VAV2: variants seen among roughly 807,000 people sequenced by gnomAD.
The protein encoded by VAV2 is vav guanine nucleotide exchange factor 2.
In VAV2, 67 loss-of-function variants were observed where a neutral mutation model predicts 132.5. The observed-to-expected ratio is 0.51, with a 90% CI of 0.42 to 0.62. The LOEUF is 0.62. VAV2 is among the 20% of genes least tolerant of loss of function. The probability of loss-of-function intolerance (pLI) is 0.00; values close to 1 mark genes in which losing one functional copy is unlikely to be tolerated. For missense variants in VAV2, 938 were observed against 1,153.6 expected (o/e 0.81, Z 2.71); for synonymous variants, 492 against 443.5 (o/e 1.11, Z -1.37).
Position 133,991,314 on chromosome 9 carries a change from G to A in VAV2, c.204+761C>T, listed in dbSNP as rs1843007958. Among the ~76,000 whole-genome samples, 1 of 152,198 alleles carries A rather than the reference G, an allele frequency of 6.6e-6. No homozygotes were observed. The highest frequency in any genetic ancestry group is 6.5e-5 in the Admixed American group (1 of 15,288). On this transcript the variant is annotated intron_variant, in intron 1 of 29. Coordinates refer to ENST00000371850, the MANE Select transcript of VAV2 (RefSeq NM_001134398.2). The surrounding 1 kb of genome is among the most constrained non-coding windows in gnomAD (Gnocchi z 4.8). The stretch of plus-strand genomic sequence containing the variant: ...TTAAGAGGCCAAGAAAAGCAGCTTC[G>A]TTCGGCTGGGCAGGCATTTTCCTGC...
rs144352659 is a variant in VAV2, at chr9:133,863,412, T to TCGGGTCGTACAGATGGAAC, written c.322-1999_322-1981dup. 5.3e-5 allele frequency among the ~76,000 whole-genome samples: 8 copies of TCGGGTCGTACAGATGGAAC among 152,008 alleles called. No homozygotes were observed. The highest frequency in any genetic ancestry group is 2.6e-4 in the Admixed American group (4 of 15,278). On this transcript the variant is annotated intron_variant, in intron 2 of 29. Coordinates refer to ENST00000371850, the MANE Select transcript of VAV2 (RefSeq NM_001134398.2). The surrounding 1 kb of genome is among the most constrained non-coding windows in gnomAD (Gnocchi z 5.0). The stretch of plus-strand genomic sequence containing the variant: ...CTGGAGTCAGCGCAAAGGCCCCAGG[T>TCGGGTCGTACAGATGGAAC]CGGGTCGTACAGATGGAACCGGGTC...
chr9:133,783,454 G>A (rs200141998), intron 19 of VAV2, 49 bp downstream of exon 19: 282 of 1,569,632 alleles, frequency 1.8e-4, no homozygotes, highest in Non-Finnish European at 1.3e-4. Context: ...GGGCAGAAGT[G>A]AGCAGGCGTG....
intron 1 of VAV2, among the ~76,000 whole-genome samples, chr9:133,959,096 T>C (rs1339639381): frequency 6.6e-6 from 1 of 152,158 alleles, no homozygotes; most frequent in Non-Finnish European, 1.5e-5. Flanking sequence ...CCCCAGATGA[T>C]GGGGTTCCTG....
Position 133,876,965 on chromosome 9 carries a change from G to A in VAV2, c.322-15533C>T, listed in dbSNP as rs1266978127. On this transcript the variant is annotated intron_variant, in intron 2 of 29. Transcript: ENST00000371850. ...GCCAGCTACAGAGGGGAAGGCAGGG[G>A]ATGCCAGGGCTGGCGTCTGGGCAAG... Among the ~76,000 whole-genome samples, 3 of 152,140 alleles carry A rather than the reference G, an allele frequency of 2.0e-5. 1 individual carries two copies. Among genetic ancestry groups the A allele is most frequent in the Non-Finnish European group, 1.5e-5 (1 of 68,006 alleles).
chr9:133,877,660 C>T (rs956477176), intron 2 of VAV2, among the ~76,000 whole-genome samples: 4 of 152,154 alleles, frequency 2.6e-5, no homozygotes, highest in Non-Finnish European at 5.9e-5. Context: ...CACCCCAGAA[C>T]CCCCCTCTCA....
chr9:133,847,665 C>T (rs1168187334), intron 3 of VAV2, among the ~76,000 whole-genome samples: 2 of 152,200 alleles, frequency 1.3e-5, no homozygotes, highest in Non-Finnish European at 1.5e-5. Flanking sequence ...TCCAGCCCCA[C>T]GCTGCCCAAC....
intron 1 of VAV2, among the ~76,000 whole-genome samples, chr9:133,965,955 A>T (rs1842127705): frequency 6.6e-6 from 1 of 152,228 alleles, no homozygotes; most frequent in African/African-American, 2.4e-5. Context: ...GACCAATGGA[A>T]TAAAACAACC....
At chr9:133,766,295 T>C (rs1331354702) in intron 29 of VAV2, among the ~76,000 whole-genome samples, 1 of 152,222 alleles carries the variant, frequency 6.6e-6, no homozygotes, top group Non-Finnish European at 1.5e-5. Context: ...AGTGTAAAAG[T>C]GTTCCTCTTT....
chr9:133,845,380 A>G (rs376273689), intron 3 of VAV2, among the ~76,000 whole-genome samples: 347 of 152,268 alleles, frequency 2.3e-3, no homozygotes, highest in Non-Finnish European at 4.0e-3. Context: ...AGCTGCAGGC[A>G]GGATCCCTAC....
rs1287790714 is a variant in VAV2, at chr9:133,991,950, C to G, written c.204+125G>C. On this transcript the variant is annotated intron_variant, in intron 1 of 29. Transcript: ENST00000371850. This position sits in a 1 kb window ranked among gnomAD's most constrained non-coding sequence, Gnocchi z 4.8. ...GCACCCTCCAGCCGCCCGCCCGCGT[C>G]CCGGAGCCCGGCCGCCCCAGCCAGG... is the stretch of plus-strand genomic sequence containing the variant. The G allele has an allele frequency of 5.0e-6, 4 of 798,084 alleles. No individual in the cohort carries two copies. The highest frequency in any genetic ancestry group is 4.8e-6 in the Non-Finnish European group (3 of 630,950). The allele number at this position is 798,084 out of a possible 1,614,324, so 49.4% of individuals were successfully genotyped here.
rs527412003 is a variant in VAV2 at position 133,840,346 on chromosome 9, C to T, written c.381-6006G>A. Reference sequence around the variant, plus strand: ...GTGCAGAGAAATCCCCAGCAGAGCCCGCGTTGGGCAGCAGCCCCTCCTCCC... The same window carrying T: ...GTGCAGAGAAATCCCCAGCAGAGCCTGCGTTGGGCAGCAGCCCCTCCTCCC... On this transcript the variant is annotated intron_variant, in intron 3 of 29. Coordinates refer to ENST00000371850, the MANE Select transcript of VAV2 (RefSeq NM_001134398.2). This position sits in a 1 kb window ranked among gnomAD's most constrained non-coding sequence, Gnocchi z 4.5. Among the ~76,000 whole-genome samples the T allele has an allele frequency of 6.6e-6, 1 of 152,238 alleles. No homozygotes were observed. The highest frequency in any genetic ancestry group is 2.1e-4 in the South Asian group (1 of 4,832).
At chr9:133,764,750 AAAT>A (rs765364359) in intron 29 of VAV2, among the ~76,000 whole-genome samples, 2 of 152,210 alleles carry the variant, frequency 1.3e-5, no homozygotes, top group African/African-American at 2.4e-5. Flanking sequence ...AAAATTGTGG[AAAT>A]AATATGAGGC....
chr9:133,778,605 G>A (rs1833897521), intron 22 of VAV2, among the ~76,000 whole-genome samples, 157 bp downstream of exon 22: 1 of 152,228 alleles, frequency 6.6e-6, no homozygotes, highest in Non-Finnish European at 1.5e-5. Flanking sequence ...ACTGAGGCAG[G>A]AGAGGCCTTG....
chr9:133,774,871 G>T, intron 25 of VAV2, 64 bp downstream of exon 25: 1 of 1,396,548 alleles, frequency 7.2e-7, no homozygotes, highest in Non-Finnish European at 1.0e-6. Context: ...TGGAGAGGAT[G>T]GTGCTCTCCA....
At chr9:133,974,290 C>T (rs1484853305) in intron 1 of VAV2, among the ~76,000 whole-genome samples, 4 of 152,162 alleles carry the variant, frequency 2.6e-5, no homozygotes, top group Non-Finnish European at 4.4e-5. Flanking sequence ...CCAGGCCCAC[C>T]ACAACTCCAG....
intron 1 of VAV2, among the ~76,000 whole-genome samples, chr9:133,978,378 C>G (rs1356707751): frequency 6.6e-6 from 1 of 152,210 alleles, no homozygotes; most frequent in Admixed American, 6.5e-5. Flanking sequence ...CCCCTCCCCA[C>G]CCCTATGCAG....
chr9:133,831,040 A>G (rs745435475), intron 4 of VAV2, among the ~76,000 whole-genome samples: 1 of 152,208 alleles, frequency 6.6e-6, no homozygotes, highest in Non-Finnish European at 1.5e-5. Flanking sequence ...GACAGTGCAA[A>G]GCCACAGGTT....
chr9:133,776,068 G>A lies in VAV2; in HGVS notation c.1978C>T (p.Arg660Trp), dbSNP rs770053214. 33 of 1,613,044 alleles carry A rather than the reference G, an allele frequency of 2.0e-5. No homozygotes were observed. Among genetic ancestry groups the A allele is most frequent in the African/African-American group, 6.7e-5 (5 of 74,938 alleles). ...TAGTCGATCTCCCGGGATGGCGGCC[G>A]GCTGATGGGCGGCTGGTGGCAGAGC... is the stretch of plus-strand genomic sequence containing the variant. ...CPVDGRPPIS[R>W]PPSREIDYTA... Residue 660 changes from arginine to tryptophan, a missense_variant, in exon 24 of 30, where the codon CGG (arginine) becomes TGG (tryptophan). Physicochemically the swap from Arg to Trp is moderately radical, Grantham distance 101. Coordinates refer to ENST00000371850, the MANE Select transcript of VAV2 (RefSeq NM_001134398.2).
intron 2 of VAV2, among the ~76,000 whole-genome samples, chr9:133,934,707 A>C (rs1489326995): frequency 1.3e-5 from 2 of 152,138 alleles, no homozygotes; most frequent in Middle Eastern, 3.2e-3. Flanking sequence ...CCTGGTTCTG[A>C]GGCTTTGGGA....
Sources: gnomAD v4.1 joint callset for allele counts (sites outside exome capture counted in the v4.1 genomes callset) on GRCh38, gnomAD v4.1.1 for gene constraint, Gnocchi (gnomAD v3.1) non-coding constraint, MANE v1.5 for transcripts, NCBI Gene and HGNC (gene_info 2026-07-23, HGNC 2026-07-21) for gene names.